The following REDIC1 variants were observed in gnomAD, a reference collection of about 807,000 sequenced individuals.
The protein encoded by REDIC1 is HEI10 Interacting Protein 1.
the REDIC1 span, among the ~76,000 whole-genome samples, chr12:39,731,452 C>T: frequency 6.6e-6 from 1 of 152,168 alleles, no homozygotes; most frequent in East Asian, 1.9e-4. Context: ...CACTCCAGGC[C>T]CTGTTTGCCT....
chr12:39,711,342 C>A, the REDIC1 span, among the ~76,000 whole-genome samples: 1 of 146,008 alleles, frequency 6.8e-6, no homozygotes, highest in Non-Finnish European at 1.5e-5. Flanking sequence ...CACATATATA[C>A]ATCTATATGT....
the REDIC1 span, among the ~76,000 whole-genome samples, chr12:39,852,067 C>T: frequency 5.3e-5 from 8 of 152,262 alleles, no homozygotes; most frequent in East Asian, 1.5e-3. Context: ...GACTAAAACA[C>T]AGGTGTGTGT....
chr12:39,885,023 G>A, the REDIC1 span, among the ~76,000 whole-genome samples: 1 of 152,210 alleles, frequency 6.6e-6, no homozygotes, highest in African/African-American at 2.4e-5. Context: ...TTATAGCCAG[G>A]AAGGAATTTC....
At chr12:39,815,188 C>A in the REDIC1 span, among the ~76,000 whole-genome samples, 1 of 152,144 alleles carries the variant, frequency 6.6e-6, no homozygotes, top group Admixed American at 6.5e-5. Context: ...CAGAGCTAAG[C>A]TTCCCATTGA....
At chr12:39,840,767 G>C in the REDIC1 span, among the ~76,000 whole-genome samples, 1 of 151,978 alleles carries the variant, frequency 6.6e-6, no homozygotes, top group Admixed American at 6.6e-5. Context: ...TGCTGTGTTT[G>C]CTTTCCCTTA....
At chr12:39,667,154 G>A in the REDIC1 span, among the ~76,000 whole-genome samples, 6 of 151,884 alleles carry the variant, frequency 4.0e-5, no homozygotes, top group African/African-American at 1.5e-4. Context: ...TTTAATTGTG[G>A]TGTTAGGGTG....
the REDIC1 span, among the ~76,000 whole-genome samples, chr12:39,655,857 A>G: frequency 5.9e-5 from 9 of 152,236 alleles, no homozygotes. Context: ...GCCTTTGGTT[A>G]CTTCACACAT....
At chr12:39,656,023 C>T in the REDIC1 span, among the ~76,000 whole-genome samples, 1 of 152,004 alleles carries the variant, frequency 6.6e-6, no homozygotes, top group South Asian at 2.1e-4. Context: ...ACCTTGTATT[C>T]CTGGGATAAA....
chr12:39,812,281 C>T, the REDIC1 span, among the ~76,000 whole-genome samples: 1 of 152,088 alleles, frequency 6.6e-6, no homozygotes, highest in African/African-American at 2.4e-5. Context: ...CCCTCATGAC[C>T]TAATCACCTC....
the REDIC1 span, among the ~76,000 whole-genome samples, chr12:39,774,275 A>G: frequency 1.3e-5 from 2 of 152,168 alleles, no homozygotes; most frequent in African/African-American, 2.4e-5. Context: ...GATGGTGTAA[A>G]TTTACTCTAA....
chr12:39,904,967 A>G, the REDIC1 span, among the ~76,000 whole-genome samples: 806 of 152,210 alleles, frequency 5.3e-3, 26 homozygotes, highest in Admixed American at 0.045. Flanking sequence ...CGTGCAGGCA[A>G]ACTATCCCAA....
At chr12:39,727,935 C>G in the REDIC1 span, among the ~76,000 whole-genome samples, 2 of 152,084 alleles carry the variant, frequency 1.3e-5, no homozygotes. Flanking sequence ...AGAGTTCACT[C>G]ATGATTTGAC....
the REDIC1 span, among the ~76,000 whole-genome samples, chr12:39,896,175 T>C: frequency 6.7e-6 from 1 of 148,728 alleles, no homozygotes; most frequent in Non-Finnish European, 1.5e-5. Context: ...CATATATGAA[T>C]ATGTATATAT....
At chr12:39,714,573 G>A in the REDIC1 span, among the ~76,000 whole-genome samples, 3 of 151,506 alleles carry the variant, frequency 2.0e-5, no homozygotes, top group Non-Finnish European at 4.4e-5. Context: ...CCTCTGGGTG[G>A]ATACCCATTA....
chr12:39,727,711 G>A, the REDIC1 span, among the ~76,000 whole-genome samples: 2 of 129,792 alleles, frequency 1.5e-5, no homozygotes, highest in Non-Finnish European at 3.6e-5. Context: ...TTGTGTTATG[G>A]GGATATCATT....
chr12:39,787,910 A>C, the REDIC1 span, among the ~76,000 whole-genome samples: 17 of 152,306 alleles, frequency 1.1e-4, no homozygotes, highest in African/African-American at 3.4e-4. Context: ...TGATGAAAAG[A>C]GCAGTATTGT....
At chr12:39,824,287 A>G in the REDIC1 span, among the ~76,000 whole-genome samples, 1 of 152,180 alleles carries the variant, frequency 6.6e-6, no homozygotes, top group African/African-American at 2.4e-5. Flanking sequence ...GGTCTGATTC[A>G]CATCAAAGAT....
the REDIC1 span, among the ~76,000 whole-genome samples, chr12:39,684,495 T>A: frequency 5.9e-5 from 9 of 152,214 alleles, no homozygotes; most frequent in African/African-American, 2.2e-4. Flanking sequence ...AACATAGACT[T>A]ACAAAACATT....
chr12:39,778,614 G>A, the REDIC1 span, among the ~76,000 whole-genome samples: 36 of 152,124 alleles, frequency 2.4e-4, no homozygotes, highest in East Asian at 5.8e-3. Flanking sequence ...TATTATTAAC[G>A]TATTATTACA....
Sources: gnomAD v4.1 joint callset for allele counts (sites outside exome capture counted in the v4.1 genomes callset) on GRCh38, gnomAD v4.1.1 for gene constraint, MANE v1.5 for transcripts, NCBI Gene and HGNC (gene_info 2026-07-23, HGNC 2026-07-21) for gene names.